Variants in JADE1 observed in about 807,000 individuals in gnomAD.
JADE1 encodes protein Jade-1.
Under a neutral mutation model 81.8 loss-of-function variants are expected in JADE1, and 14 were observed. The ratio of observed to expected loss-of-function variants is 0.17; its 90% CI spans 0.11 to 0.27. The LOEUF (loss-of-function observed/expected upper bound fraction) is 0.27. Among genes scored for constraint, JADE1 ranks in the 10% least tolerant of loss-of-function variants. JADE1 has a pLI of 1.00. For synonymous variants in JADE1, 353 were observed against 391.9 expected (o/e 0.90, Z 1.17); for missense variants, 690 against 1,047.9 (o/e 0.66, Z 4.71).
At chr4:128,863,019 T>C (rs969970743) in intron 9 of JADE1, 3 of 985,354 alleles carry the variant, frequency 3.0e-6, no homozygotes, top group African/African-American at 3.5e-5. Context: ...GCCCCAGTCA[T>C]GCTCAGCACG....
intron 1 of JADE1, chr4:128,827,858 A>T: frequency 6.1e-6 from 6 of 985,000 alleles, no homozygotes; most frequent in Non-Finnish European, 6.0e-6. Flanking sequence ...GTGAGAATGG[A>T]TGTGTATGAA....
chr4:128,872,263 T>C lies in JADE1; in HGVS notation c.*1T>C, dbSNP rs755133700. ...CAGGAGAAGCATCTTGGCTTCTTGATGCAACAGAGATGATGCGGAAGCCCT... is the reference window on the plus strand; with the variant it reads ...CAGGAGAAGCATCTTGGCTTCTTGACGCAACAGAGATGATGCGGAAGCCCT... On this transcript the variant is annotated 3_prime_UTR_variant, in exon 11 of 11. Coordinates refer to ENST00000226319, the MANE Select transcript of JADE1 (RefSeq NM_199320.4). 9.6e-5 allele frequency: 155 copies of C among 1,612,570 alleles called. No individual in the cohort carries two copies. The highest frequency in any genetic ancestry group is 1.3e-4 in the Non-Finnish European group (150 of 1,178,852).
intron 9 of JADE1, 167 bp downstream of exon 9, chr4:128,862,392 T>A (rs750131629): frequency 3.8e-5 from 55 of 1,441,612 alleles, no homozygotes; most frequent in Non-Finnish European, 4.5e-5. Context: ...GGTAAACTCA[T>A]TGTACATATG....
Position 128,862,208 on chromosome 4 carries a change from C to A in JADE1, c.1486C>A (p.Arg496=). ...GAGGCTGCAGCTGTTCACGCACCTG[C>A]GGCAGGACCTGGAGAGGGTAATGAT... The part of the protein sequence containing the change: ...FRRLQLFTHL[R]QDLERVRNLT... Residue 496 remains arginine (R), a synonymous_variant, in exon 9 of 11, where the codon CGG becomes AGG. Transcript: ENST00000226319. The A allele has an allele frequency of 6.2e-7, 1 of 1,614,130 alleles. No individual in the cohort carries two copies. Among genetic ancestry groups the A allele is most frequent in the African/African-American group, 1.3e-5 (1 of 75,032 alleles).
chr4:128,853,500 T>C (rs1233997342), intron 6 of JADE1, among the ~76,000 whole-genome samples: 2 of 152,178 alleles, frequency 1.3e-5, no homozygotes, highest in African/African-American at 2.4e-5. Flanking sequence ...GGGAAACCCT[T>C]AGATTTCAGG....
At chr4:128,824,145 G>A (rs1380845256) in intron 1 of JADE1, among the ~76,000 whole-genome samples, 2 of 152,130 alleles carry the variant, frequency 1.3e-5, no homozygotes, top group Non-Finnish European at 2.9e-5. Context: ...GTGGCAGGGC[G>A]CGGTGGCTCA....
intron 1 of JADE1, among the ~76,000 whole-genome samples, chr4:128,826,095 T>C (rs1418757866): frequency 1.3e-5 from 2 of 152,262 alleles, no homozygotes; most frequent in Non-Finnish European, 2.9e-5. Flanking sequence ...CTAGCTCTTT[T>C]GTCTCTGTAG....
intron 2 of JADE1, 105 bp from the exon 3 acceptor site, chr4:128,842,848 A>C (rs1463504160): frequency 1.2e-6 from 1 of 867,404 alleles, no homozygotes; most frequent in African/African-American, 1.6e-5. Context: ...CTCATGGTGC[A>C]GTGCTGAGGT....
intron 8 of JADE1, among the ~76,000 whole-genome samples, chr4:128,858,629 G>C (rs181805771): frequency 0.013 from 1,885 of 148,364 alleles, 50 homozygotes; most frequent in African/African-American, 0.045. Context: ...TTGAGACAGA[G>C]TCTCACTCTG....
At chr4:128,864,267 T>A (rs1731613279) in intron 9 of JADE1, 1 of 490,202 alleles carries the variant, frequency 2.0e-6, no homozygotes, top group South Asian at 8.8e-5. Context: ...CCTGCCTCGG[T>A]CTCATGAGTA....
chr4:128,811,244 C>G (rs1030850771), intron 1 of JADE1: 1 of 152,404 alleles, frequency 6.6e-6, no homozygotes, highest in African/African-American at 2.4e-5. Context: ...CCGCTCCCCC[C>G]CGCCCGCCTT....
intron 2 of JADE1, among the ~76,000 whole-genome samples, chr4:128,839,568 C>T (rs945158923): frequency 1.3e-5 from 2 of 152,174 alleles, no homozygotes; most frequent in African/African-American, 4.8e-5. Context: ...TCCCACTTTT[C>T]TCTAGTCTTC....
chr4:128,858,027 G>T (rs2125881119), intron 8 of JADE1, among the ~76,000 whole-genome samples: 1 of 152,262 alleles, frequency 6.6e-6, no homozygotes, highest in Non-Finnish European at 1.5e-5. Context: ...TCCTGTGTAT[G>T]CTGTCATCTC....
At chr4:128,850,514 G>A (rs1730261345) in intron 5 of JADE1, among the ~76,000 whole-genome samples, 1 of 152,180 alleles carries the variant, frequency 6.6e-6, no homozygotes, top group Admixed American at 6.5e-5. Context: ...TACTCGCTCA[G>A]TTACTCAAGT....
chr4:128,851,555 G>GA (rs1166429519), intron 5 of JADE1, among the ~76,000 whole-genome samples: 2 of 152,100 alleles, frequency 1.3e-5, no homozygotes. Flanking sequence ...CTGACCATAG[G>GA]AAAATAACAG....
chr4:128,848,028 G>A (rs1405234888), intron 4 of JADE1, among the ~76,000 whole-genome samples: 1 of 152,168 alleles, frequency 6.6e-6, no homozygotes, highest in Non-Finnish European at 1.5e-5. Context: ...CACTCCAGGT[G>A]TTAAAGGTCG....
chr4:128,827,898 C>T lies in JADE1; in HGVS notation c.-26-3835C>T, dbSNP rs991110973. 7.1e-6 allele frequency: 7 copies of T among 984,972 alleles called. No individual in the cohort carries two copies. The African/African-American group carries it at 1.2e-4, about 17-fold the overall frequency. 61.0% of individuals were successfully genotyped at this position (984,972 alleles called of 1,614,324 possible). A position where few individuals can be genotyped will look rare whatever the true frequency, so the allele number is the denominator to read the frequency against. On this transcript the variant is annotated intron_variant, in intron 1 of 10. Coordinates refer to ENST00000226319, the MANE Select transcript of JADE1 (RefSeq NM_199320.4). ...CTACCCAGAGTAATATGCTGTGTTA[C>T]ACATATGTTGGTAAGTACGGTGCTC...
intron 6 of JADE1, among the ~76,000 whole-genome samples, chr4:128,854,082 T>C (rs556784731): frequency 6.6e-6 from 1 of 152,276 alleles, no homozygotes. Flanking sequence ...TTACTTGCTA[T>C]TTTTTTCCCC....
intron 10 of JADE1, among the ~76,000 whole-genome samples, chr4:128,869,689 T>G (rs1001087002): frequency 6.6e-6 from 1 of 152,210 alleles, no homozygotes; most frequent in Admixed American, 6.5e-5. Flanking sequence ...GTAACAGAGC[T>G]GTAATGTAGA....
Sources: allele counts gnomAD v4.1 joint callset (sites outside exome capture counted in the v4.1 genomes callset), GRCh38; gene constraint gnomAD v4.1.1; transcripts MANE v1.5; gene names NCBI Gene and HGNC (gene_info 2026-07-23, HGNC 2026-07-21).